Variants in ADGRB3 observed in about 807,000 individuals in gnomAD.
The protein encoded by ADGRB3 is adhesion G protein-coupled receptor B3.
Under a neutral mutation model 193.4 loss-of-function variants are expected in ADGRB3, and 37 were observed. The ratio of observed to expected loss-of-function variants is 0.19; its 90% confidence interval spans 0.15 to 0.25. The LOEUF is 0.25. Among genes scored for constraint, ADGRB3 ranks in the 10% least tolerant of loss-of-function variants. The pLI is 1.00. For synonymous variants in ADGRB3, 690 were observed against 644.2 expected (o/e 1.07, Z -1.08); for missense variants, 1,637 against 1,852.9 (o/e 0.88, Z 2.14).
At chr6:69,255,010 A>C (rs1715927904) in intron 20 of ADGRB3, among the ~76,000 whole-genome samples, 1 of 151,234 alleles carries the variant, frequency 6.6e-6, no homozygotes, top group South Asian at 2.1e-4. Context: ...TTCCAATTTC[A>C]TCCATGTCCC....
chr6:68,936,464 T>C lies in ADGRB3; in HGVS notation c.869-55T>C, dbSNP rs1409481638. ...CATAATGTCAGTTTGGTATAATGCT[T>C]ACTAGATGAATACTTAAGACAGTAT... On this transcript the variant is annotated intron_variant, in intron 4 of 31. Transcript: ENST00000370598. 5.1e-6 allele frequency: 8 copies of C among 1,554,908 alleles called. No homozygotes were observed. In the African/African-American group the frequency reaches 5.4e-5, roughly 11 times the overall value.
intron 17 of ADGRB3, chr6:69,232,435 C>A: frequency 6.7e-7 from 1 of 1,489,346 alleles, no homozygotes; most frequent in Non-Finnish European, 8.9e-7. Context: ...ATGGCTACAC[C>A]AAAGAGAAAA....
chr6:69,126,818 T>C (rs750934229), intron 17 of ADGRB3, among the ~76,000 whole-genome samples: 27 of 152,226 alleles, frequency 1.8e-4, no homozygotes, highest in Non-Finnish European at 2.9e-4. Context: ...TTTCCAACTC[T>C]AAGCCGAATG....
intron 3 of ADGRB3, among the ~76,000 whole-genome samples, chr6:68,908,601 T>G (rs144118368): frequency 1.3e-5 from 2 of 152,208 alleles, no homozygotes; most frequent in African/African-American, 4.8e-5. Context: ...ATATTGACAG[T>G]CTTAGTCTGT....
At chr6:68,961,671 CA>C (rs1768238099) in intron 8 of ADGRB3, among the ~76,000 whole-genome samples, 1 of 152,158 alleles carries the variant, frequency 6.6e-6, no homozygotes, top group Admixed American at 6.6e-5. Context: ...ATTAGAAACC[CA>C]AATATGTCAG....
At chr6:68,920,830 G>A (rs920272439) in intron 3 of ADGRB3, among the ~76,000 whole-genome samples, 6 of 152,008 alleles carry the variant, frequency 3.9e-5, no homozygotes, top group Non-Finnish European at 5.9e-5. Context: ...AATTATTAAA[G>A]CACAATGTAC....
intron 11 of ADGRB3, among the ~76,000 whole-genome samples, chr6:69,011,021 CT>C (rs1293547716): frequency 3.3e-5 from 5 of 151,770 alleles, no homozygotes; most frequent in Non-Finnish European, 7.4e-5. Flanking sequence ...CATGAGTCTC[CT>C]CTTCAAAGTG....
At chr6:68,902,774 C>T (rs1463164813) in intron 3 of ADGRB3, among the ~76,000 whole-genome samples, 1 of 152,016 alleles carries the variant, frequency 6.6e-6, no homozygotes, top group Non-Finnish European at 1.5e-5. Flanking sequence ...GATCTTGACA[C>T]TAGCACTGTT....
At chr6:69,034,532 ATTTAT>A (rs1770809009) in intron 13 of ADGRB3, among the ~76,000 whole-genome samples, 1 of 148,492 alleles carries the variant, frequency 6.7e-6, no homozygotes, top group African/African-American at 2.4e-5. Flanking sequence ...ATAGCTATAA[ATTTAT>A]TTTATACTAC....
intron 3 of ADGRB3, among the ~76,000 whole-genome samples, chr6:68,720,400 A>G (rs1453029328): frequency 6.6e-6 from 1 of 151,648 alleles, no homozygotes; most frequent in Non-Finnish European, 1.5e-5. Context: ...TTTTTTTCTT[A>G]TGACTAACCT....
At chr6:68,839,237 GCAA>G (rs1768104068) in intron 3 of ADGRB3, among the ~76,000 whole-genome samples, 1 of 152,096 alleles carries the variant, frequency 6.6e-6, no homozygotes, top group Non-Finnish European at 1.5e-5. Context: ...CTTAGGAATT[GCAA>G]CAACATCTAG....
chr6:68,882,036 G>A (rs1460102885), intron 3 of ADGRB3, among the ~76,000 whole-genome samples: 2 of 152,078 alleles, frequency 1.3e-5, no homozygotes, highest in African/African-American at 4.8e-5. Context: ...TCTCCTAGGT[G>A]TTGATAAACT....
intron 20 of ADGRB3, among the ~76,000 whole-genome samples, chr6:69,282,836 C>G (rs568564779): frequency 1.3e-5 from 2 of 152,006 alleles, no homozygotes; most frequent in Non-Finnish European, 2.9e-5. Context: ...CTTTAAGTAG[C>G]TTAAAATATA....
chr6:69,380,266 G>A (rs192416633), intron 30 of ADGRB3, among the ~76,000 whole-genome samples: 1 of 152,072 alleles, frequency 6.6e-6, no homozygotes, highest in East Asian at 1.9e-4. Context: ...GAAGGGGATG[G>A]AATAATTCAC....
rs1768929362 is a variant in ADGRB3 at position 69,339,474 on chromosome 6, A to G, written c.3429A>G (p.Ile1143Met). The change falls in exon 26 of 32, where the codon ATA becomes ATG. Residue 1143 changes from isoleucine to methionine, a missense_variant. This residue lies in a region of ADGRB3 where 116 missense variants were observed against 168.1 expected (regional missense o/e 0.69). Transcript: ENST00000370598. ...AVFDSLQGFV[I>M]VMVHCILRRE... is the part of the protein sequence containing the mutation. ...TTGATTCATTGCAAGGCTTTGTTATAGTCATGGTCCACTGCATTCTTCGGA... is the reference window on the plus strand; with the variant it reads ...TTGATTCATTGCAAGGCTTTGTTATGGTCATGGTCCACTGCATTCTTCGGA... 6.2e-7 allele frequency: 1 copy of G among 1,613,864 alleles called. No individual in the cohort carries two copies. Among genetic ancestry groups the G allele is most frequent in the South Asian group, 1.1e-5 (1 of 91,080 alleles).
intron 3 of ADGRB3, among the ~76,000 whole-genome samples, chr6:68,873,347 G>A (rs989448602): frequency 2.6e-5 from 4 of 152,088 alleles, no homozygotes; most frequent in Admixed American, 2.6e-4. Context: ...GCTACTTCCT[G>A]TGAGATTGCA....
At chr6:69,044,894 T>C (rs926650526) in intron 13 of ADGRB3, among the ~76,000 whole-genome samples, 10 of 152,216 alleles carry the variant, frequency 6.6e-5, no homozygotes, top group Non-Finnish European at 1.5e-4. Context: ...TTTCAATGTT[T>C]GAAGAAAGCT....
At chr6:69,337,070 T>A (rs1768865097) in intron 24 of ADGRB3, among the ~76,000 whole-genome samples, 1 of 152,186 alleles carries the variant, frequency 6.6e-6, no homozygotes, top group South Asian at 2.1e-4. Context: ...TGGCTTAAAA[T>A]TTATTTTCAG....
chr6:69,154,737 T>G (rs1774783428), intron 17 of ADGRB3, among the ~76,000 whole-genome samples: 1 of 152,190 alleles, frequency 6.6e-6, no homozygotes, highest in Non-Finnish European at 1.5e-5. Flanking sequence ...TTCCCCAGTC[T>G]TCACACAATG....
Sources: gnomAD v4.1 joint callset for allele counts (sites outside exome capture counted in the v4.1 genomes callset) on GRCh38, gnomAD v4.1.1 for gene constraint, gnomAD v4.1.1 regional missense constraint, MANE v1.5 for transcripts, NCBI Gene and HGNC (gene_info 2026-07-23, HGNC 2026-07-21) for gene names.